ABCB5: variants seen among roughly 807,000 people sequenced by gnomAD.
ABCB5 encodes ATP binding cassette subfamily B member 5.
Under a neutral mutation model 144.2 loss-of-function variants are expected in ABCB5, and 155 were observed. The observed-to-expected ratio is 1.08, with a 90% CI of 0.94 to 1.23. The LOEUF (loss-of-function observed/expected upper bound fraction) is 1.23. Among genes scored for constraint, ABCB5 ranks in the 50% most tolerant of loss-of-function variants. The pLI, the probability that ABCB5 is intolerant of heterozygous loss-of-function variation, is 0.00. For missense variants in ABCB5, 1,830 were observed against 1,520.8 expected (o/e 1.20, Z -3.38); for synonymous variants, 610 against 528.6 (o/e 1.15, Z -2.11).
intron 2 of ABCB5, among the ~76,000 whole-genome samples, chr7:20,624,740 G>A (rs544518490): frequency 6.6e-6 from 1 of 152,262 alleles, no homozygotes; most frequent in African/African-American, 2.4e-5. Flanking sequence ...TGAAAGTACT[G>A]GGCCACCAAC....
At chr7:20,750,437 A>G (rs1209809526) in intron 26 of ABCB5, among the ~76,000 whole-genome samples, 1 of 151,574 alleles carries the variant, frequency 6.6e-6, no homozygotes, top group African/African-American at 2.4e-5. Flanking sequence ...CACAAGCCAC[A>G]CACAAATTGT....
chr7:20,624,863 C>T (rs762319415), intron 2 of ABCB5, among the ~76,000 whole-genome samples: 1 of 152,252 alleles, frequency 6.6e-6, no homozygotes, highest in East Asian at 1.9e-4. Flanking sequence ...CCTCAGGCTC[C>T]GCCCTTGGCC....
intron 16 of ABCB5, among the ~76,000 whole-genome samples, chr7:20,689,863 G>T (rs1456190558): frequency 2.6e-5 from 4 of 152,192 alleles, no homozygotes; most frequent in Non-Finnish European, 5.9e-5. Context: ...TCAATAACCA[G>T]GACAGGGGTG....
Position 20,755,714 on chromosome 7 carries a change from G to A in ABCB5, c.*90G>A, listed in dbSNP as rs1190977913. ...TTGGCAAGCTTTGATCTCTTTTATT[G>A]CATATATCAATACCTAGAATCATGC... On this transcript the variant is annotated 3_prime_UTR_variant, in exon 28 of 28. Coordinates refer to ENST00000404938, the MANE Select transcript of ABCB5 (RefSeq NM_001163941.2). The A allele has an allele frequency of 8.7e-7, 1 of 1,155,604 alleles. No individual in the cohort carries two copies. 71.6% of individuals were successfully genotyped at this position (1,155,604 alleles called of 1,614,324 possible). A position where few individuals can be genotyped will look rare whatever the true frequency, so the allele number is the denominator to read the frequency against.
chr7:20,691,362 G>A (rs1251818176), intron 16 of ABCB5, among the ~76,000 whole-genome samples: 1 of 151,482 alleles, frequency 6.6e-6, no homozygotes, highest in East Asian at 1.9e-4. Context: ...GCAAAGAACC[G>A]GAGAGGAGAG....
chr7:20,669,149 A>T (rs1157981527), intron 14 of ABCB5, among the ~76,000 whole-genome samples: 5 of 149,380 alleles, frequency 3.3e-5, no homozygotes, highest in African/African-American at 1.2e-4. Context: ...CCGGGAGGTG[A>T]GGGGCGCTTC....
intron 4 of ABCB5, among the ~76,000 whole-genome samples, chr7:20,630,971 T>G (rs923777510): frequency 1.3e-5 from 2 of 152,176 alleles, no homozygotes; most frequent in African/African-American, 4.8e-5. Context: ...TATAACACAT[T>G]GTTAAAGAGA....
intron 20 of ABCB5, among the ~76,000 whole-genome samples, chr7:20,722,586 G>A (rs568664196): frequency 6.6e-6 from 1 of 152,252 alleles, no homozygotes; most frequent in East Asian, 1.9e-4. Flanking sequence ...AGGGCATTTT[G>A]AGGCAGGCAG....
chr7:20,709,743 C>T lies in ABCB5; in HGVS notation c.2421+4936C>T. 1.3e-5 allele frequency among the ~76,000 whole-genome samples: 2 copies of T among 149,726 alleles called. 1 individual carries two copies. Among genetic ancestry groups the T allele is most frequent in the East Asian group, 4.0e-4 (2 of 5,050 alleles). ...TCTCTAGCAGCTACCATCACTATAA[C>T]CTAAGACAGCCTAAACAATAGGTAA... is the stretch of plus-strand genomic sequence containing the variant. On this transcript the variant is annotated intron_variant, in intron 20 of 27. Coordinates refer to ENST00000404938, the MANE Select transcript of ABCB5 (RefSeq NM_001163941.2).
At chr7:20,702,296 C>T (rs1439727400) in intron 19 of ABCB5, among the ~76,000 whole-genome samples, 4 of 152,098 alleles carry the variant, frequency 2.6e-5, no homozygotes, top group Non-Finnish European at 5.9e-5. Flanking sequence ...TTCCCCATTT[C>T]CCTCTAAATT....
At chr7:20,619,312 T>G (rs1445454333) in intron 1 of ABCB5, among the ~76,000 whole-genome samples, 2 of 152,184 alleles carry the variant, frequency 1.3e-5, no homozygotes, top group African/African-American at 4.8e-5. Flanking sequence ...CAGCCTTATA[T>G]AAGTGTTCCC....
At chr7:20,720,943 C>CAAAAAAAAA (rs71020677) in intron 20 of ABCB5, among the ~76,000 whole-genome samples, 5 of 71,052 alleles carry the variant, frequency 7.0e-5, no homozygotes, top group African/African-American at 1.6e-4. Flanking sequence ...AACTCTGCCT[C>CAAAAAAAAA]AAAAAAAAAA....
At position 20,647,642 on chromosome 7, in the gene ABCB5, T is replaced by C. The variant is rs1784448782; in HGVS notation, c.1089T>C (p.Ile363=). The C allele has an allele frequency of 1.3e-6, 2 of 1,565,874 alleles. No homozygotes were observed. Among genetic ancestry groups the C allele is most frequent in the East Asian group, 4.6e-5 (2 of 43,052 alleles). The change falls in exon 10 of 28, where the codon ATT becomes ATC. Residue 363 remains isoleucine (I), a synonymous_variant. Coordinates refer to ENST00000404938, the MANE Select transcript of ABCB5 (RefSeq NM_001163941.2). Reference sequence around the variant, plus strand: ...CTGCCTTTCATATTTTCCAGGTTATTGATAAGGTAAGACCTCTTATTGCTT... The same window carrying C: ...CTGCCTTTCATATTTTCCAGGTTATCGATAAGGTAAGACCTCTTATTGCTT... ...RGAAFHIFQV[I]DKKPSIDNFS...
At chr7:20,674,656 C>A (rs1785547583) in intron 14 of ABCB5, among the ~76,000 whole-genome samples, 1 of 145,384 alleles carries the variant, frequency 6.9e-6, no homozygotes, top group Non-Finnish European at 1.5e-5. Flanking sequence ...TTAGCCAGGG[C>A]AATTAGGCAA....
At chr7:20,636,096 T>C (rs1784149758) in intron 5 of ABCB5, among the ~76,000 whole-genome samples, 1 of 152,180 alleles carries the variant, frequency 6.6e-6, no homozygotes, top group Non-Finnish European at 1.5e-5. Context: ...ATGTGAATGA[T>C]GCTCCCTTGA....
chr7:20,644,459 T>A (rs1451857433), intron 7 of ABCB5, among the ~76,000 whole-genome samples: 2 of 152,220 alleles, frequency 1.3e-5, no homozygotes, highest in Admixed American at 6.5e-5. Flanking sequence ...CACAAATATG[T>A]TTCAGTTTTT....
chr7:20,646,530 G>A (rs1437811945), intron 9 of ABCB5, among the ~76,000 whole-genome samples: 2 of 152,160 alleles, frequency 1.3e-5, no homozygotes, highest in East Asian at 3.8e-4. Context: ...TCTGGAAATG[G>A]TCTGTAGAGT....
chr7:20,663,007 C>T (rs1785056005), intron 14 of ABCB5, among the ~76,000 whole-genome samples: 1 of 152,162 alleles, frequency 6.6e-6, no homozygotes, highest in Non-Finnish European at 1.5e-5. Flanking sequence ...AAGATTAAGA[C>T]ATTTATTCTC....
At chr7:20,673,736 G>C (rs1175822689) in intron 14 of ABCB5, among the ~76,000 whole-genome samples, 1 of 151,846 alleles carries the variant, frequency 6.6e-6, no homozygotes, top group African/African-American at 2.4e-5. Flanking sequence ...CTTTTAATTG[G>C]AGTGTTTAGA....
Sources: gnomAD v4.1 joint callset for allele counts (sites outside exome capture counted in the v4.1 genomes callset) on GRCh38, gnomAD v4.1.1 for gene constraint, MANE v1.5 for transcripts, NCBI Gene and HGNC (gene_info 2026-07-23, HGNC 2026-07-21) for gene names.